The following MAP3K15 variants were observed in gnomAD, a reference collection of about 807,000 sequenced individuals.
The protein encoded by MAP3K15 is mitogen-activated protein kinase kinase kinase 15.
In MAP3K15, 124 loss-of-function variants were observed where a neutral mutation model predicts 99.5. That is an observed-to-expected ratio of 1.25 (90% CI 1.08 to 1.45). The LOEUF is 1.45. MAP3K15 is among the 40% of genes most tolerant of loss of function. The probability of loss-of-function intolerance (pLI) is 0.00; values close to 1 mark genes in which losing one functional copy is unlikely to be tolerated. For missense variants in MAP3K15, 1,242 were observed against 1,079.7 expected (o/e 1.15, Z -2.11); for synonymous variants, 494 against 439.6 (o/e 1.12, Z -1.55).
chrX:19,369,213 CG>C lies in MAP3K15; in HGVS notation c.3406del (p.Arg1136GlufsTer13). On this transcript the variant is annotated frameshift_variant, in exon 25 of 29. Transcript: ENST00000338883. LOFTEE classifies it high-confidence loss of function. ...CTCACAGGTAGGCTCAAAGTGGGCT[CG>C]GAGCTCTGCAAATCACACAAGACAT... ...AAVTILIPEL[R>X]AHFEPTCETE... The C allele has an allele frequency of 8.3e-7, 1 of 1,210,964 alleles. No homozygotes were observed. The highest frequency in any genetic ancestry group is 1.8e-5 in the South Asian group (1 of 56,964).
intron 7 of MAP3K15, among the ~76,000 whole-genome samples, chrX:19,429,186 T>C (rs1474591304): frequency 9.0e-6 from 1 of 110,816 alleles, no homozygotes; most frequent in African/African-American, 3.3e-5. Context: ...TGAATTTTTA[T>C]ATAGCAGGGA....
At chrX:19,458,043 G>A (rs778863991) in intron 5 of MAP3K15, among the ~76,000 whole-genome samples, 161 of 112,222 alleles carry the variant, frequency 1.4e-3, no homozygotes, top group African/African-American at 3.5e-3. Context: ...TAGCAGTGCC[G>A]CCTGTTACTC....
chrX:19,501,609 C>G (rs1394826430), intron 1 of MAP3K15, among the ~76,000 whole-genome samples: 3 of 112,303 alleles, frequency 2.7e-5, no homozygotes, highest in African/African-American at 9.7e-5. Flanking sequence ...TGCTTTATCT[C>G]AACAGGAGAA....
intron 1 of MAP3K15, among the ~76,000 whole-genome samples, chrX:19,491,376 G>A (rs1259382849): frequency 5.4e-5 from 6 of 111,410 alleles, no homozygotes; most frequent in Non-Finnish European, 1.1e-4. Context: ...GCACCCCCAG[G>A]AGGGCACATA....
In MAP3K15 at chrX:19,386,006, T is replaced by G. The variant is rs1212687668; in HGVS notation, c.2432-5729A>C. Among the ~76,000 whole-genome samples the G allele has an allele frequency of 6.3e-5, 7 of 111,941 alleles. No homozygotes were observed. In the East Asian group the frequency reaches 1.7e-3, roughly 27 times the overall value. The stretch of plus-strand genomic sequence containing the variant: ...AGAGAGAGATAAATGCACACAACTA[T>G]TTCAGATACTCAAGGGAACACTCCC... On this transcript the variant is annotated intron_variant, in intron 18 of 28. Transcript: ENST00000338883.
intron 19 of MAP3K15, among the ~76,000 whole-genome samples, chrX:19,378,597 G>A (rs375106623): frequency 8.2e-4 from 91 of 111,217 alleles, no homozygotes; most frequent in South Asian, 1.5e-3. Context: ...TATCCCCACC[G>A]GGTCCCTCCC....
At chrX:19,422,780 A>G (rs1359635396) in intron 9 of MAP3K15, among the ~76,000 whole-genome samples, 1 of 111,925 alleles carries the variant, frequency 8.9e-6, no homozygotes, top group East Asian at 2.8e-4. Context: ...AACCAAGCCA[A>G]ATGTCCAACA....
chrX:19,426,212 CAAT>C lies in MAP3K15; in HGVS notation c.1279+16_1279+18del, dbSNP rs1431628359. ...TGTATAATCAAAGCAACAACATCTG[CAAT>C]AATAAGCAGCTTTACCTATTTTCCT... On this transcript the variant is annotated intron_variant, in intron 8 of 28. Coordinates refer to ENST00000338883, the MANE Select transcript of MAP3K15 (RefSeq NM_001001671.4). 2.2e-6 allele frequency: 2 copies of C among 897,869 alleles called. No individual in the cohort carries two copies. Among genetic ancestry groups the C allele is most frequent in the African/African-American group, 2.0e-5 (1 of 50,238 alleles). 74.0% of individuals were successfully genotyped at this position (897,869 alleles called of 1,213,427 possible).
chrX:19,420,236 T>C (rs2063771846), intron 9 of MAP3K15, among the ~76,000 whole-genome samples: 1 of 111,171 alleles, frequency 9.0e-6, no homozygotes, highest in Non-Finnish European at 1.9e-5. Flanking sequence ...TTCAAAAAAA[T>C]CAATGAATCC....
rs34191166 is a variant in MAP3K15 at position 19,482,179 on chromosome X, C to CAAAAAAAAAAAAAAAAAAAAAAAAAAA, written c.525+4302_525+4303insTTTTTTTTTTTTTTTTTTTTTTTTTTT. 2.9e-4 allele frequency: 9 copies of CAAAAAAAAAAAAAAAAAAAAAAAAAAA among 31,465 alleles called. 2 individuals carry two copies. The highest frequency in any genetic ancestry group is 8.5e-4 in the African/African-American group (8 of 9,383). 2.6% of individuals were successfully genotyped at this position (31,465 alleles called of 1,213,427 possible). ...TGGGCGACAGAGTGAGATTCCAGCTCAAAAAAAAAAAAAAAAAGCCTATAT... is the reference window on the plus strand; with the variant it reads ...TGGGCGACAGAGTGAGATTCCAGCTCAAAAAAAAAAAAAAAAAAAAAAAAAAAAAAAAAAAAAAAAAAAAGCCTATAT... On this transcript the variant is annotated intron_variant, in intron 3 of 28. Coordinates refer to ENST00000338883, the MANE Select transcript of MAP3K15 (RefSeq NM_001001671.4).
intron 5 of MAP3K15, among the ~76,000 whole-genome samples, chrX:19,457,987 C>T (rs776646931): frequency 9.8e-5 from 11 of 112,084 alleles, no homozygotes; most frequent in Non-Finnish European, 2.1e-4. Flanking sequence ...TGCATAATTA[C>T]CTGGAGAAAA....
At chrX:19,390,587 T>C (rs2147244205) in intron 18 of MAP3K15, among the ~76,000 whole-genome samples, 1 of 106,760 alleles carries the variant, frequency 9.4e-6, no homozygotes, top group East Asian at 2.8e-4. Flanking sequence ...AATTATTTAT[T>C]TTTTGTAGAG....
intron 6 of MAP3K15, among the ~76,000 whole-genome samples, chrX:19,442,135 T>C (rs1018787924): frequency 1.8e-5 from 2 of 111,077 alleles, no homozygotes; most frequent in African/African-American, 6.5e-5. Flanking sequence ...CTCTGAGTTT[T>C]TATCAAATCC....
chrX:19,422,757 A>G (rs1198133757), intron 9 of MAP3K15, among the ~76,000 whole-genome samples: 1 of 112,088 alleles, frequency 8.9e-6, no homozygotes, highest in African/African-American at 3.2e-5. Context: ...TATTCACAAT[A>G]GCAAACACTT....
chrX:19,476,638 T>A (rs1569237575), intron 3 of MAP3K15, among the ~76,000 whole-genome samples: 1 of 112,074 alleles, frequency 8.9e-6, no homozygotes, highest in Non-Finnish European at 1.9e-5. Flanking sequence ...ACACTACTCC[T>A]TTTCTCTAAT....
At chrX:19,485,457 C>G (rs12353738) in intron 3 of MAP3K15, among the ~76,000 whole-genome samples, 9,076 of 109,426 alleles carry the variant, frequency 0.083, 491 homozygotes, top group African/African-American at 0.19. Context: ...CTAAAACCAC[C>G]GGATGCCTTA....
In MAP3K15 at chrX:19,450,077, G is replaced by A. The variant is rs143164646; in HGVS notation, c.995+6836C>T. On this transcript the variant is annotated intron_variant, in intron 6 of 28. Transcript: ENST00000338883. ...ACATTTTATAAATGGGGACACCAAC[G>A]TTTGAGGAGGTTAAATTACTTGACC... Among the ~76,000 whole-genome samples, 428 of 109,540 alleles carry A rather than the reference G, an allele frequency of 3.9e-3. 5 individuals carry two copies. The highest frequency in any genetic ancestry group is 0.013 in the African/African-American group (410 of 30,725).
rs1021177538 is a variant in MAP3K15, at chrX:19,401,455, C to T, written c.1845-792G>A. Among the ~76,000 whole-genome samples, 51 of 111,428 alleles carry T rather than the reference C, an allele frequency of 4.6e-4. No homozygotes were observed. In the Admixed American group the frequency reaches 4.6e-3, roughly 10 times the overall value. Reference sequence around the variant, plus strand: ...CAAATGATTCTCCCACCACGGCCTCCGAAAGTGTTGGGAGGCATGAGCCCC... The same window carrying T: ...CAAATGATTCTCCCACCACGGCCTCTGAAAGTGTTGGGAGGCATGAGCCCC... On this transcript the variant is annotated intron_variant, in intron 13 of 28. Coordinates refer to ENST00000338883, the MANE Select transcript of MAP3K15 (RefSeq NM_001001671.4).
intron 24 of MAP3K15, among the ~76,000 whole-genome samples, chrX:19,370,698 C>T (rs2063368091): frequency 9.0e-6 from 1 of 111,618 alleles, no homozygotes; most frequent in Admixed American, 9.6e-5. Context: ...CGTCCGGCCC[C>T]ATGCTCCCTT....
Sources: gnomAD v4.1 joint callset for allele counts (sites outside exome capture counted in the v4.1 genomes callset) on GRCh38, gnomAD v4.1.1 for gene constraint, MANE v1.5 for transcripts, NCBI Gene and HGNC (gene_info 2026-07-23, HGNC 2026-07-21) for gene names.